Variants in TJP1 observed in about 807,000 individuals in gnomAD.
TJP1 encodes tight junction protein ZO-1.
A neutral mutation model predicts 194.2 loss-of-function variants in TJP1; 43 were observed. That is an observed-to-expected ratio of 0.22 (90% CI 0.17 to 0.29). TJP1 has a LOEUF of 0.29. Among genes scored for constraint, TJP1 ranks in the 10% least tolerant of loss-of-function variants. The pLI is 1.00. For synonymous variants in TJP1, 801 were observed against 779.0 expected, an observed-to-expected ratio of 1.03 and a Z score of -0.47; for missense variants, 1,971 against 2,185.7, an observed-to-expected ratio of 0.90 and a Z score of 1.96.
chr15:29,943,625 T>G, intron 2 of TJP1, among the ~76,000 whole-genome samples: 1 of 72,112 alleles, frequency 1.4e-5, no homozygotes, highest in African/African-American at 5.9e-5. Context: ...TGAGACTCCA[T>G]CTCAAAAAAA....
chr15:29,921,847 C>CTTTTTT (rs202166290), intron 2 of TJP1, among the ~76,000 whole-genome samples: 1 of 147,206 alleles, frequency 6.8e-6, no homozygotes. Context: ...TTCTTTCTTT[C>CTTTTTT]TTTTTTTTTT....
At chr15:29,891,725 C>T (rs2053315621) in intron 2 of TJP1, among the ~76,000 whole-genome samples, 1 of 152,160 alleles carries the variant, frequency 6.6e-6, no homozygotes, top group Admixed American at 6.5e-5. Context: ...ACCACAAACC[C>T]TGCCCATATA....
chr15:29,948,098 C>G (rs933262412), intron 2 of TJP1, among the ~76,000 whole-genome samples: 3 of 152,134 alleles, frequency 2.0e-5, no homozygotes, highest in African/African-American at 7.2e-5. Context: ...AACCCCATCT[C>G]TACTAAAAAG....
chr15:29,739,059 A>C (rs1383626923), intron 10 of TJP1, among the ~76,000 whole-genome samples: 3 of 151,832 alleles, frequency 2.0e-5, no homozygotes, highest in Admixed American at 1.3e-4. Context: ...AACAAAGCAA[A>C]ACAAAAACAA....
chr15:29,808,423 T>C (rs981744149), intron 1 of TJP1, among the ~76,000 whole-genome samples: 6 of 152,190 alleles, frequency 3.9e-5, no homozygotes, highest in South Asian at 2.1e-4. Context: ...TGTGGGCAAA[T>C]AGGCATATTC....
intron 2 of TJP1, among the ~76,000 whole-genome samples, chr15:29,793,333 T>G (rs1372769982): frequency 6.6e-6 from 1 of 152,190 alleles, no homozygotes; most frequent in Non-Finnish European, 1.5e-5. Flanking sequence ...ACTGAATACT[T>G]TTTTGGCATC....
In TJP1 at chr15:29,708,630, G is replaced by A. The variant is rs536664612; in HGVS notation, c.4779C>T (p.Phe1593=). ...ATTTAGGCTTCTCTGCATGGATAGA[G>A]AAAGTTTCAACTCCACTGTCAAACT... is the stretch of plus-strand genomic sequence containing the variant. ...PPEFDSGVET[F]SIHAEKPKYQ... Residue 1593 remains phenylalanine, a synonymous_variant, in exon 25 of 28, where the codon TTC becomes TTT. Transcript: ENST00000614355. The A allele has an allele frequency of 1.4e-5, 23 of 1,614,188 alleles. No individual in the cohort carries two copies. The South Asian group carries it at 2.2e-4, about 15-fold the overall frequency.
intron 1 of TJP1, among the ~76,000 whole-genome samples, chr15:29,812,265 G>A (rs143455637): frequency 1.1e-4 from 16 of 152,226 alleles, no homozygotes; most frequent in East Asian, 5.8e-4. Context: ...GTGTTTACAC[G>A]GGTGTTCACT....
At chr15:29,714,498 A>G (rs1427589523) in intron 23 of TJP1, among the ~76,000 whole-genome samples, 1 of 149,580 alleles carries the variant, frequency 6.7e-6, no homozygotes, top group Non-Finnish European at 1.5e-5. Flanking sequence ...TCGGCCTCCC[A>G]AAGTGCTGGG....
intron 1 of TJP1, among the ~76,000 whole-genome samples, chr15:29,803,556 A>AT (rs1366776460): frequency 6.6e-6 from 1 of 152,154 alleles, no homozygotes; most frequent in Non-Finnish European, 1.5e-5. Flanking sequence ...TAATCAGGAC[A>AT]TTGTTCTAAG....
chr15:29,840,195 T>C (rs1451012941), intron 2 of TJP1, among the ~76,000 whole-genome samples: 2 of 152,182 alleles, frequency 1.3e-5, no homozygotes, highest in Non-Finnish European at 2.9e-5. Flanking sequence ...TCTAGTTTGT[T>C]TTTTCATCCT....
At chr15:29,783,458 C>G (rs2047501739) in intron 2 of TJP1, among the ~76,000 whole-genome samples, 1 of 152,188 alleles carries the variant, frequency 6.6e-6, no homozygotes, top group Admixed American at 6.5e-5. Context: ...TTCGAGCCAG[C>G]AATCCCATTA....
At chr15:29,852,422 T>C (rs1484241984) in intron 2 of TJP1, among the ~76,000 whole-genome samples, 1 of 152,232 alleles carries the variant, frequency 6.6e-6, no homozygotes, top group Non-Finnish European at 1.5e-5. Flanking sequence ...CATCACTGCA[T>C]ACCTGTCAGT....
At chr15:29,721,462 A>T (rs2042923579) in intron 18 of TJP1, among the ~76,000 whole-genome samples, 1 of 152,142 alleles carries the variant, frequency 6.6e-6, no homozygotes, top group Non-Finnish European at 1.5e-5. Flanking sequence ...AGGCCTCCCC[A>T]GAAGCAGAAG....
At chr15:29,863,380 T>C (rs966560746) in intron 2 of TJP1, among the ~76,000 whole-genome samples, 1 of 152,050 alleles carries the variant, frequency 6.6e-6, no homozygotes, top group Non-Finnish European at 1.5e-5. Context: ...AGGGTTTAGG[T>C]GATTCTTGCA....
chr15:29,732,546 T>C lies in TJP1; in HGVS notation c.1922-18A>G. The C allele has an allele frequency of 6.2e-6, 10 of 1,613,948 alleles. No individual in the cohort carries two copies. The highest frequency in any genetic ancestry group is 7.6e-6 in the Non-Finnish European group (9 of 1,179,852). ...AAATCCAGCTGGAGAGAAATTCACA[T>C]GAAAAACAGCATATTTTATACCTTT... On this transcript the variant is annotated intron_variant, in intron 14 of 27. Transcript: ENST00000614355.
intron 2 of TJP1, among the ~76,000 whole-genome samples, chr15:29,867,847 G>A (rs1312241517): frequency 6.6e-6 from 1 of 152,086 alleles, no homozygotes; most frequent in Admixed American, 6.6e-5. Context: ...CTTCAGCCCA[G>A]GAGTTCCAGA....
At chr15:29,827,468 T>G (rs1350545377), upstream of TJP1, among the ~76,000 whole-genome samples, 1 of 152,140 alleles carries the variant, frequency 6.6e-6, no homozygotes, top group Non-Finnish European at 1.5e-5. Flanking sequence ...TGCCTGGGGA[T>G]GGGATCCTCT....
At chr15:29,717,876 T>A (rs2042664487) in intron 22 of TJP1, 145 bp downstream of exon 22, 2 of 657,450 alleles carry the variant, frequency 3.0e-6, no homozygotes, top group Non-Finnish European at 5.1e-6. Flanking sequence ...AATCACTGTT[T>A]AGGAGAGCTG....
Sources: gnomAD v4.1 joint callset for allele counts (sites outside exome capture counted in the v4.1 genomes callset) on GRCh38, gnomAD v4.1.1 for gene constraint, MANE v1.5 for transcripts, NCBI Gene and HGNC (gene_info 2026-07-23, HGNC 2026-07-21) for gene names.